RSRC1: variants seen among roughly 807,000 people sequenced by gnomAD.
RSRC1 encodes serine/Arginine-related protein 53.
Under a neutral mutation model 49.1 loss-of-function variants are expected in RSRC1, and 39 were observed. That is an observed-to-expected ratio of 0.79 (90% CI 0.61 to 1.04). RSRC1 has a LOEUF of 1.04. Among genes scored for constraint, RSRC1 ranks in the 50% least tolerant of loss-of-function variants. The probability of loss-of-function intolerance (pLI) is 0.00; values close to 1 mark genes in which losing one functional copy is unlikely to be tolerated. For missense variants in RSRC1, 388 were observed against 402.4 expected, an observed-to-expected ratio of 0.96 and a Z score of 0.31; for synonymous variants, 143 against 130.8, an observed-to-expected ratio of 1.09 and a Z score of -0.63.
chr3:158,356,486 A>T (rs1255446780), intron 6 of RSRC1, among the ~76,000 whole-genome samples: 1 of 152,064 alleles, frequency 6.6e-6, no homozygotes, highest in Non-Finnish European at 1.5e-5. Flanking sequence ...TTTAGTTTTG[A>T]TGAAGTGTCT....
intron 6 of RSRC1, among the ~76,000 whole-genome samples, chr3:158,437,118 A>AC (rs942860699): frequency 2.1e-5 from 3 of 145,332 alleles, no homozygotes; most frequent in South Asian, 4.4e-4. Flanking sequence ...ACACACACAC[A>AC]AAAAAAAAAA....
intron 3 of RSRC1, among the ~76,000 whole-genome samples, chr3:158,153,311 G>A (rs1212210663): frequency 6.6e-6 from 1 of 152,044 alleles, no homozygotes; most frequent in Non-Finnish European, 1.5e-5. Context: ...CTCTCTTCTT[G>A]TAGAGTTGCC....
intron 6 of RSRC1, among the ~76,000 whole-genome samples, chr3:158,419,058 C>T (rs1421487218): frequency 5.9e-5 from 9 of 151,994 alleles, no homozygotes; most frequent in South Asian, 4.2e-4. Flanking sequence ...AAGTACCTCC[C>T]GATGGAATTA....
chr3:158,394,402 C>G (rs1372236361), intron 6 of RSRC1, among the ~76,000 whole-genome samples: 1 of 152,022 alleles, frequency 6.6e-6, no homozygotes, highest in Non-Finnish European at 1.5e-5. Context: ...CCTAGAAAAT[C>G]CCATAGTCTT....
intron 3 of RSRC1, among the ~76,000 whole-genome samples, chr3:158,196,494 C>T (rs1217307015): frequency 6.6e-6 from 1 of 152,076 alleles, no homozygotes; most frequent in East Asian, 1.9e-4. Context: ...CCCTTTATTT[C>T]CTTCTCCTGC....
At chr3:158,320,238 AG>A (rs1369755806) in intron 5 of RSRC1, among the ~76,000 whole-genome samples, 7 of 152,206 alleles carry the variant, frequency 4.6e-5, no homozygotes, top group African/African-American at 1.4e-4. Context: ...GAGGAGAAAA[AG>A]GATATCAGGG....
intron 8 of RSRC1, among the ~76,000 whole-genome samples, chr3:158,537,570 G>T (rs762556177): frequency 1.3e-5 from 2 of 151,492 alleles, no homozygotes; most frequent in Non-Finnish European, 3.0e-5. Flanking sequence ...TTAGAAAAGG[G>T]CTTTAATAAT....
chr3:158,426,939 A>G (rs1735480319), intron 6 of RSRC1, among the ~76,000 whole-genome samples: 2 of 151,800 alleles, frequency 1.3e-5, no homozygotes, highest in South Asian at 4.1e-4. Flanking sequence ...GTTCCCCAAT[A>G]AGCAGATTCA....
chr3:158,391,834 T>A (rs1439607685), intron 6 of RSRC1, among the ~76,000 whole-genome samples: 1 of 152,050 alleles, frequency 6.6e-6, no homozygotes, highest in Non-Finnish European at 1.5e-5. Context: ...CAAAAATAGC[T>A]AGTTTGAGAT....
At chr3:158,132,502 A>T (rs948384668) in intron 3 of RSRC1, among the ~76,000 whole-genome samples, 6 of 152,134 alleles carry the variant, frequency 3.9e-5, no homozygotes, top group African/African-American at 1.4e-4. Flanking sequence ...ACATTTTAAC[A>T]TTGTAGTACT....
At chr3:158,452,167 G>A (rs534591352) in intron 6 of RSRC1, among the ~76,000 whole-genome samples, 1 of 152,182 alleles carries the variant, frequency 6.6e-6, no homozygotes, top group South Asian at 2.1e-4. Flanking sequence ...GATAAAAAGA[G>A]CATTAAATTA....
chr3:158,127,349 C>T (rs1179335972), intron 3 of RSRC1, among the ~76,000 whole-genome samples: 1 of 151,902 alleles, frequency 6.6e-6, no homozygotes, highest in Non-Finnish European at 1.5e-5. Context: ...CCTTAGGCTT[C>T]CTTCACTTTT....
chr3:158,542,143 A>G (rs1367271293), intron 8 of RSRC1, among the ~76,000 whole-genome samples: 4 of 152,202 alleles, frequency 2.6e-5, no homozygotes, highest in African/African-American at 9.7e-5. Flanking sequence ...TGATGAATGG[A>G]TAAATAAAAT....
intron 7 of RSRC1, among the ~76,000 whole-genome samples, chr3:158,487,949 GAAAAAAAAA>G (rs58689210): frequency 3.5e-4 from 10 of 28,922 alleles, no homozygotes; most frequent in African/African-American, 5.3e-4. Context: ...TCCATCTCAA[GAAAAAAAAA>G]AAAAAAAAAA....
intron 5 of RSRC1, among the ~76,000 whole-genome samples, chr3:158,306,200 A>G (rs1727829584): frequency 6.6e-6 from 1 of 151,914 alleles, no homozygotes; most frequent in Non-Finnish European, 1.5e-5. Context: ...CCTACCTGCC[A>G]TCAATCTTGT....
chr3:158,133,124 T>G (rs559304123), intron 3 of RSRC1, among the ~76,000 whole-genome samples: 1 of 152,292 alleles, frequency 6.6e-6, no homozygotes, highest in Admixed American at 6.5e-5. Flanking sequence ...CCAAATGTAA[T>G]ATGAAAAACT....
intron 6 of RSRC1, among the ~76,000 whole-genome samples, chr3:158,425,902 C>A (rs1735403117): frequency 6.6e-6 from 1 of 151,694 alleles, no homozygotes; most frequent in Admixed American, 6.6e-5. Context: ...GGAGATTTAT[C>A]CTACCAGATA....
intron 3 of RSRC1, among the ~76,000 whole-genome samples, chr3:158,166,876 A>G (rs1373361345): frequency 1.3e-5 from 2 of 152,212 alleles, no homozygotes; most frequent in African/African-American, 2.4e-5. Flanking sequence ...TGAAACTAAT[A>G]CATAGATTGC....
At chr3:158,354,022 G>A (rs1316319318) in intron 5 of RSRC1, among the ~76,000 whole-genome samples, 45 of 115,034 alleles carry the variant, frequency 3.9e-4, no homozygotes, top group Middle Eastern at 6.3e-3. Context: ...TTTTTGAGAC[G>A]GAGTCTTGCT....
Sources: gnomAD v4.1 joint callset for allele counts (sites outside exome capture counted in the v4.1 genomes callset) on GRCh38, gnomAD v4.1.1 for gene constraint, MANE v1.5 for transcripts, NCBI Gene and HGNC (gene_info 2026-07-23, HGNC 2026-07-21) for gene names.